KPNA1: variants seen among roughly 807,000 people sequenced by gnomAD.
KPNA1 encodes importin subunit alpha-5.
KPNA1 carries 10 observed loss-of-function variants against 70.5 expected under a neutral mutation model. The observed-to-expected ratio is 0.14, with a 90% CI of 0.09 to 0.24. KPNA1 has a LOEUF of 0.24. KPNA1 is among the 10% of genes least tolerant of loss of function. The pLI is 1.00. For synonymous variants in KPNA1, 192 were observed against 221.9 expected (o/e 0.87, Z 1.20); for missense variants, 397 against 637.9 (o/e 0.62, Z 4.07).
rs538680282 is a variant in KPNA1, at chr3:122,494,508, A to G, written c.129+1929T>C. Among the ~76,000 whole-genome samples the G allele has an allele frequency of 2.0e-4, 31 of 152,280 alleles. No homozygotes were observed. The East Asian group carries it at 2.3e-3, about 11-fold the overall frequency. Reference sequence around the variant, plus strand: ...TGACTTATATGTCTACTTTTATACCAGTACTGTGCTGTTTTCAATTACTAT... The same window carrying G: ...TGACTTATATGTCTACTTTTATACCGGTACTGTGCTGTTTTCAATTACTAT... On this transcript the variant is annotated intron_variant, in intron 2 of 13. Transcript: ENST00000344337.
intron 2 of KPNA1, chr3:122,483,184 A>G (rs1276723267): frequency 1.3e-5 from 2 of 152,780 alleles, no homozygotes; most frequent in Non-Finnish European, 2.9e-5. Context: ...CCAAGAAACT[A>G]AAGATTTACC....
intron 9 of KPNA1, among the ~76,000 whole-genome samples, chr3:122,445,145 TA>T (rs573422825): frequency 6.6e-6 from 1 of 152,142 alleles, no homozygotes; most frequent in Non-Finnish European, 1.5e-5. Context: ...GCAAGGAAGC[TA>T]AAAACCTTGA....
rs557933512 is a variant in KPNA1, at chr3:122,453,731, T to C, written c.564+139A>G. ...TTTGTATTTTTAGTAGAGACGGGAT[T>C]TCACCATGTTGGCTAGGCTGGTCTC... On this transcript the variant is annotated intron_variant, in intron 6 of 13. Transcript: ENST00000344337. 28 of 653,832 alleles carry C rather than the reference T, an allele frequency of 4.3e-5. No individual in the cohort carries two copies. In the African/African-American group the frequency reaches 5.3e-4, roughly 12 times the overall value. 40.5% of individuals were successfully genotyped at this position (653,832 alleles called of 1,614,324 possible).
chr3:122,427,072 G>C lies in KPNA1; in HGVS notation c.1530C>G (p.Asp510Glu), dbSNP rs1560012324. 6.2e-7 allele frequency: 1 copy of C among 1,614,168 alleles called. No homozygotes were observed. Among genetic ancestry groups the C allele is most frequent in the East Asian group, 2.2e-5 (1 of 44,882 alleles). ...GGTCAACCTGGGGTGCAATGCTGCT[G>C]TCTTCATCTTCGGTCCCGAAGTAAT... ...IEHYFGTEDE[D>E]SSIAPQVDLN... Residue 510 changes from aspartate to glutamate, a missense_variant, in exon 14 of 14, where the codon GAC becomes GAG. By Grantham distance (45) the Asp-to-Glu change is conservative. Coordinates refer to ENST00000344337, the MANE Select transcript of KPNA1 (RefSeq NM_002264.4).
chr3:122,483,811 A>T (rs1400636833), intron 2 of KPNA1, among the ~76,000 whole-genome samples: 1 of 152,194 alleles, frequency 6.6e-6, no homozygotes, highest in Non-Finnish European at 1.5e-5. Flanking sequence ...CAACCAGAAA[A>T]TAGTGTGGGA....
chr3:122,459,484 T>A, intron 5 of KPNA1: 1 of 985,430 alleles, frequency 1.0e-6, no homozygotes, highest in Non-Finnish European at 1.2e-6. Flanking sequence ...TGCAGTAAGG[T>A]TCCTCATTTG....
intron 3 of KPNA1, among the ~76,000 whole-genome samples, chr3:122,465,697 C>G (rs1576313398): frequency 6.6e-6 from 1 of 152,206 alleles, no homozygotes; most frequent in South Asian, 2.1e-4. Context: ...GTCAGGAGTT[C>G]AAGACCAACC....
intron 5 of KPNA1, 60 bp downstream of exon 5, chr3:122,461,164 C>A: frequency 9.3e-7 from 1 of 1,079,260 alleles, no homozygotes; most frequent in Non-Finnish European, 1.4e-6. Context: ...AATTTGTGTA[C>A]AAAATAAAAA....
chr3:122,505,274 C>CAAAA lies in KPNA1; in HGVS notation c.-5-8708_-5-8705dup, dbSNP rs376502610. Among the ~76,000 whole-genome samples the CAAAA allele has an allele frequency of 4.6e-4, 46 of 99,300 alleles. 1 individual carries two copies. Among genetic ancestry groups the CAAAA allele is most frequent in the African/African-American group, 9.3e-4 (23 of 24,624 alleles). 65.1% of individuals were successfully genotyped at this position (99,300 alleles called of 152,430 possible). On this transcript the variant is annotated intron_variant, in intron 1 of 13. Transcript: ENST00000344337. ...GCCAGGATTGTACCACTGCATGCCT[C>CAAAA]AAAAAAAAAAAAAAAAAAAAATCCA...
At chr3:122,489,279 T>G (rs953129014) in intron 2 of KPNA1, among the ~76,000 whole-genome samples, 2 of 91,744 alleles carry the variant, frequency 2.2e-5, no homozygotes, top group African/African-American at 6.3e-5. Flanking sequence ...CCTTTTTACT[T>G]TGTTTGTTTT....
At chr3:122,510,291 G>C (rs1412946667) in intron 1 of KPNA1, among the ~76,000 whole-genome samples, 1 of 152,156 alleles carries the variant, frequency 6.6e-6, no homozygotes, top group East Asian at 1.9e-4. Flanking sequence ...AGGGGAACCA[G>C]TACAAAAGAG....
At chr3:122,493,731 C>G (rs749362686) in intron 2 of KPNA1, among the ~76,000 whole-genome samples, 3 of 152,088 alleles carry the variant, frequency 2.0e-5, no homozygotes, top group Non-Finnish European at 4.4e-5. Context: ...CCCTCCTTTA[C>G]CCTATCACCA....
intron 1 of KPNA1, among the ~76,000 whole-genome samples, chr3:122,504,963 T>A (rs921919917): frequency 9.9e-5 from 15 of 152,070 alleles, no homozygotes; most frequent in Admixed American, 5.9e-4. Flanking sequence ...GTCTAATTAA[T>A]GTGTCTGAAG....
intron 2 of KPNA1, among the ~76,000 whole-genome samples, chr3:122,488,161 A>G (rs1465204063): frequency 6.6e-6 from 1 of 152,228 alleles, no homozygotes; most frequent in African/African-American, 2.4e-5. Context: ...GGAAGGGACC[A>G]TGGAAGACTG....
chr3:122,455,550 A>G (rs1012083312), intron 5 of KPNA1, among the ~76,000 whole-genome samples: 1 of 151,818 alleles, frequency 6.6e-6, no homozygotes, highest in Non-Finnish European at 1.5e-5. Context: ...ACCGTACTTT[A>G]TATTTTCTTT....
rs954317662 is a variant in KPNA1 at position 122,457,599 on chromosome 3, A to T, written c.433-3598T>A. 7.7e-6 allele frequency: 6 copies of T among 774,946 alleles called. No homozygotes were observed. The South Asian group carries it at 1.1e-4, about 14-fold the overall frequency. The allele number at this position is 774,946 out of a possible 1,614,324, so 48.0% of individuals were successfully genotyped here. On this transcript the variant is annotated intron_variant, in intron 5 of 13. Transcript: ENST00000344337. ...TTCACTGTCCTGAACTCACTAAATA[A>T]GGCTACACCTGAAATCTGCACACTG...
chr3:122,488,025 G>A (rs1164572742), intron 2 of KPNA1, among the ~76,000 whole-genome samples: 2 of 152,138 alleles, frequency 1.3e-5, no homozygotes, highest in Non-Finnish European at 2.9e-5. Flanking sequence ...AAATCTGAAT[G>A]TTGACTAGAT....
At chr3:122,492,988 G>T (rs2076716556) in intron 2 of KPNA1, among the ~76,000 whole-genome samples, 1 of 152,060 alleles carries the variant, frequency 6.6e-6, no homozygotes. Flanking sequence ...CAATTATTGT[G>T]TAACTATAAC....
rs2075781347 is a variant in KPNA1 at position 122,423,283 on chromosome 3, G to A, written c.*3702C>T. 1 of 152,186 alleles carries A rather than the reference G, an allele frequency of 6.6e-6. No individual in the cohort carries two copies. Among genetic ancestry groups the A allele is most frequent in the Non-Finnish European group, 1.5e-5 (1 of 68,038 alleles). 9.4% of individuals were successfully genotyped at this position (152,186 alleles called of 1,614,324 possible). A position where few individuals can be genotyped will look rare whatever the true frequency, so the allele number is the denominator to read the frequency against. On this transcript the variant is annotated 3_prime_UTR_variant, in exon 14 of 14. Coordinates refer to ENST00000344337, the MANE Select transcript of KPNA1 (RefSeq NM_002264.4). ...CTTAATCTGTTCAGCTCACAACAGAGAGAAATGGTCATATTGAGATGGATA... is the reference window on the plus strand; with the variant it reads ...CTTAATCTGTTCAGCTCACAACAGAAAGAAATGGTCATATTGAGATGGATA...
Sources: allele counts gnomAD v4.1 joint callset (sites outside exome capture counted in the v4.1 genomes callset), GRCh38; gene constraint gnomAD v4.1.1; transcripts MANE v1.5; gene names NCBI Gene and HGNC (gene_info 2026-07-23, HGNC 2026-07-21).